VCL: variants seen among roughly 807,000 people sequenced by gnomAD.
The protein encoded by VCL is vinculin.
In VCL, 47 loss-of-function variants were observed where a neutral mutation model predicts 125.7. That is an observed-to-expected ratio of 0.37 (90% CI 0.30 to 0.48). The LOEUF is 0.48. VCL is among the 20% of genes least tolerant of loss of function. The pLI, the probability that VCL is intolerant of heterozygous loss-of-function variation, is 0.99. For missense variants in VCL, 1,069 were observed against 1,455.5 expected, an observed-to-expected ratio of 0.73 and a Z score of 4.32; for synonymous variants, 458 against 514.6, an observed-to-expected ratio of 0.89 and a Z score of 1.49.
intron 1 of VCL, among the ~76,000 whole-genome samples, chr10:74,030,582 A>G (rs887068920): frequency 6.6e-6 from 1 of 152,244 alleles, no homozygotes; most frequent in Non-Finnish European, 1.5e-5. Flanking sequence ...AAACTCAGTT[A>G]CAGGAATCAG....
At chr10:74,018,398 C>T (rs2136231899) in intron 1 of VCL, among the ~76,000 whole-genome samples, 1 of 151,800 alleles carries the variant, frequency 6.6e-6, no homozygotes, top group South Asian at 2.1e-4. Context: ...GGACTGTGAA[C>T]TTAGCCTCTG....
In VCL at chr10:74,077,817, A is replaced by G. The variant is rs940743868; in HGVS notation, c.783+2914A>G. 6.7e-6 allele frequency: 3 copies of G among 446,026 alleles called. No individual in the cohort carries two copies. In the Admixed American group the frequency reaches 7.4e-5, roughly 11 times the overall value. The allele number at this position is 446,026 out of a possible 1,614,324, so 27.6% of individuals were successfully genotyped here. A position where few individuals can be genotyped will look rare whatever the true frequency, so the allele number is the denominator to read the frequency against. On this transcript the variant is annotated intron_variant, in intron 6 of 21. Transcript: ENST00000211998. ...AGTTAAGATTTTAAAGAGGCAATGC[A>G]ATAACTGATTATTTTACCTTTTATA...
At chr10:74,054,074 T>C (rs1247747568) in intron 2 of VCL, among the ~76,000 whole-genome samples, 1 of 152,180 alleles carries the variant, frequency 6.6e-6, no homozygotes, top group Non-Finnish European at 1.5e-5. Flanking sequence ...TCAGTTCTAG[T>C]GAGTTTTTAT....
intron 1 of VCL, among the ~76,000 whole-genome samples, chr10:74,019,717 G>T (rs1000450909): frequency 6.6e-6 from 1 of 152,132 alleles, no homozygotes; most frequent in Non-Finnish European, 1.5e-5. Flanking sequence ...TTTATATTTG[G>T]ATTCATAGTG....
At chr10:74,034,697 G>A (rs977355304) in intron 1 of VCL, among the ~76,000 whole-genome samples, 1 of 152,208 alleles carries the variant, frequency 6.6e-6, no homozygotes, top group African/African-American at 2.4e-5. Context: ...AATCAGAGTA[G>A]ATTAGAGAGT....
intron 18 of VCL, among the ~76,000 whole-genome samples, chr10:74,110,065 T>C (rs1436164355): frequency 6.6e-6 from 1 of 152,150 alleles, no homozygotes; most frequent in Middle Eastern, 3.2e-3. Flanking sequence ...TCACATTGGT[T>C]TTTAACTCTG....
intron 1 of VCL, among the ~76,000 whole-genome samples, chr10:74,019,228 G>GTAT (rs1019938410): frequency 2.0e-5 from 3 of 152,070 alleles, no homozygotes; most frequent in African/African-American, 7.2e-5. Flanking sequence ...GAGAAATCTT[G>GTAT]TATTATTATT....
chr10:74,007,867 A>G (rs989687216), intron 1 of VCL, among the ~76,000 whole-genome samples: 3 of 150,840 alleles, frequency 2.0e-5, no homozygotes, highest in Admixed American at 6.6e-5. Context: ...CAGTGGCACA[A>G]TCTCCGCTCA....
chr10:74,093,024 C>T (rs750848636), intron 10 of VCL, among the ~76,000 whole-genome samples: 5 of 152,094 alleles, frequency 3.3e-5, no homozygotes, highest in East Asian at 3.9e-4. Context: ...AGGCTGGGCA[C>T]GGTGGCTCAC....
intron 1 of VCL, among the ~76,000 whole-genome samples, chr10:74,015,275 A>T (rs1332400498): frequency 6.6e-6 from 1 of 152,208 alleles, no homozygotes; most frequent in Non-Finnish European, 1.5e-5. Context: ...ATTTTTGGCC[A>T]GGCCCTGTGG....
At chr10:74,037,972 T>C (rs1308919496) in intron 1 of VCL, among the ~76,000 whole-genome samples, 5 of 150,676 alleles carry the variant, frequency 3.3e-5, no homozygotes, top group African/African-American at 9.8e-5. Flanking sequence ...ACTGGCCACA[T>C]TTCTTTGTTT....
chr10:74,119,690 C>T lies in VCL; in HGVS notation c.*1521C>T, dbSNP rs1840375515. On this transcript the variant is annotated 3_prime_UTR_variant, in exon 22 of 22. Coordinates refer to ENST00000211998, the MANE Select transcript of VCL (RefSeq NM_014000.3). The stretch of plus-strand genomic sequence containing the variant: ...CCCACCCATCGCTGTGTGTTAGTTC[C>T]CAACATCGAATGTGTACAACTTAAG... The T allele has an allele frequency of 1.3e-5, 2 of 152,468 alleles. No individual in the cohort carries two copies. Among genetic ancestry groups the T allele is most frequent in the African/African-American group, 4.8e-5 (2 of 41,426 alleles). The allele number at this position is 152,468 out of a possible 1,614,324, so 9.4% of individuals were successfully genotyped here.
intron 9 of VCL, 72 bp from the exon 10 acceptor site, chr10:74,089,951 G>T: frequency 6.4e-7 from 1 of 1,559,348 alleles, no homozygotes; most frequent in Middle Eastern, 1.7e-4. Flanking sequence ...CCTTCTTCTG[G>T]CCTTGTTAAG....
At chr10:74,101,678 C>T (rs919603530) in intron 14 of VCL, among the ~76,000 whole-genome samples, 2 of 150,924 alleles carry the variant, frequency 1.3e-5, no homozygotes, top group Non-Finnish European at 3.0e-5. Flanking sequence ...GCCTCAGCCT[C>T]CCGAGTAGCT....
chr10:74,023,163 T>C lies in VCL; in HGVS notation c.169-19920T>C, dbSNP rs1257091146. The stretch of plus-strand genomic sequence containing the variant: ...CTGTCTTTAATGCAGTTGTGGGTAA[T>C]GAGGTTTCAACAAAAGGCTGCATAT... On this transcript the variant is annotated intron_variant, in intron 1 of 21. Transcript: ENST00000211998. Among the ~76,000 whole-genome samples, 7 of 152,312 alleles carry C rather than the reference T, an allele frequency of 4.6e-5. No individual in the cohort carries two copies. The East Asian group carries it at 1.3e-3, about 29-fold the overall frequency.
intron 12 of VCL, among the ~76,000 whole-genome samples, chr10:74,096,964 T>A (rs904657060): frequency 6.6e-6 from 1 of 152,200 alleles, no homozygotes; most frequent in Non-Finnish European, 1.5e-5. Flanking sequence ...CTTGATTGAG[T>A]GGAACAGTCT....
At chr10:74,061,958 T>A (rs969699784) in intron 2 of VCL, among the ~76,000 whole-genome samples, 8 of 148,678 alleles carry the variant, frequency 5.4e-5, no homozygotes, top group Non-Finnish European at 1.0e-4. Context: ...CAGGATGGAG[T>A]GCAATCACGG....
chr10:74,091,595 C>G (rs1182178349), intron 10 of VCL, among the ~76,000 whole-genome samples: 1 of 151,708 alleles, frequency 6.6e-6, no homozygotes, highest in Non-Finnish European at 1.5e-5. Context: ...AGCCTGCCAG[C>G]CTGGCCAACA....
At chr10:74,028,619 A>G (rs1233371335) in intron 1 of VCL, among the ~76,000 whole-genome samples, 4 of 151,862 alleles carry the variant, frequency 2.6e-5, no homozygotes, top group Admixed American at 2.6e-4. Flanking sequence ...CTGGTCTCGA[A>G]CTCCTGACCT....
Sources: allele counts gnomAD v4.1 joint callset (sites outside exome capture counted in the v4.1 genomes callset), GRCh38; gene constraint gnomAD v4.1.1; transcripts MANE v1.5; gene names NCBI Gene and HGNC (gene_info 2026-07-23, HGNC 2026-07-21).